The following KCNQ2 variants were observed in gnomAD, a reference collection of about 807,000 sequenced individuals.
The protein encoded by KCNQ2 is potassium voltage-gated channel subfamily KQT member 2.
Under a neutral mutation model 84.8 loss-of-function variants are expected in KCNQ2, and 14 were observed. The observed-to-expected ratio is 0.17, with a 90% CI of 0.11 to 0.26. The LOEUF is 0.26. KCNQ2 is among the 10% of genes least tolerant of loss of function. KCNQ2 has a pLI of 1.00. For missense variants in KCNQ2, 788 were observed against 1,254.0 expected (o/e 0.63, Z 5.61); for synonymous variants, 599 against 554.1 (o/e 1.08, Z -1.14).
chr20:63,471,674 C>G (rs1297101335), intron 1 of KCNQ2: 1 of 153,978 alleles, frequency 6.5e-6, no homozygotes, highest in Non-Finnish European at 1.4e-5. Flanking sequence ...CCTCCCCCAT[C>G]TCAGGAACCC....
In KCNQ2 at chr20:63,445,343, A is replaced by C. The variant is rs2081380963; in HGVS notation, c.409T>G (p.Phe137Val). Residue 137 changes from phenylalanine to valine, a missense_variant, in exon 3 of 17, where the codon TTT (phenylalanine) becomes GTT (valine). This residue lies in a region of KCNQ2 where 106 missense variants were observed against 214.8 expected (regional missense o/e 0.49). Coordinates refer to ENST00000359125, the MANE Select transcript of KCNQ2 (RefSeq NM_172107.4). ...YILEIVTIVV[F>V]GVEYFVRIWA... is the part of the protein sequence containing the mutation. ...ATCCGCACGAAGTACTCCACGCCAAACACCACGATAGTCACGATTTCCTGC... is the reference window on the plus strand; with the variant it reads ...ATCCGCACGAAGTACTCCACGCCAACCACCACGATAGTCACGATTTCCTGC... 1 of 1,613,804 alleles carries C rather than the reference A, an allele frequency of 6.2e-7. No homozygotes were observed. Among genetic ancestry groups the C allele is most frequent in the African/African-American group, 1.3e-5 (1 of 75,054 alleles).
At position 63,408,989 on chromosome 20, in the gene KCNQ2, G is replaced by A. The variant is rs1468783429; in HGVS notation, c.1764-453C>T. Among the ~76,000 whole-genome samples, 8 of 152,130 alleles carry A rather than the reference G, an allele frequency of 5.3e-5. No individual in the cohort carries two copies. Among genetic ancestry groups the A allele is most frequent in the Non-Finnish European group, 7.4e-5 (5 of 68,010 alleles). Reference sequence around the variant, plus strand: ...CCCTCCCCCTACCCGTGCCCACCCCGGAGCTTTACTCCTACGTAATGTGCC... The same window carrying A: ...CCCTCCCCCTACCCGTGCCCACCCCAGAGCTTTACTCCTACGTAATGTGCC... On this transcript the variant is annotated intron_variant, in intron 15 of 16. Transcript: ENST00000359125. The surrounding 1 kb of genome is among the most constrained non-coding windows in gnomAD (Gnocchi z 5.0).
chr20:63,429,178 C>T (rs1322632878), intron 9 of KCNQ2, among the ~76,000 whole-genome samples: 1 of 151,934 alleles, frequency 6.6e-6, no homozygotes, highest in Non-Finnish European at 1.5e-5. Flanking sequence ...CCCACTCCCA[C>T]CCACCTCACT....
chr20:63,419,607 G>T lies in KCNQ2; in HGVS notation c.1301+12C>A, dbSNP rs761092617. 4.4e-6 allele frequency: 7 copies of T among 1,607,538 alleles called. No homozygotes were observed. In the East Asian group the frequency reaches 1.1e-4, roughly 26 times the overall value. On this transcript the variant is annotated intron_variant, in intron 12 of 16. Coordinates refer to ENST00000359125, the MANE Select transcript of KCNQ2 (RefSeq NM_172107.4). Reference sequence around the variant, plus strand: ...CAGCAGCCGTCAGTCCGTGCGGCGTGTTCCGCGGTACCTAGAGCGTCCGGG... The same window carrying T: ...CAGCAGCCGTCAGTCCGTGCGGCGTTTTCCGCGGTACCTAGAGCGTCCGGG...
chr20:63,413,960 T>G, intron 14 of KCNQ2, 128 bp downstream of exon 14: 1 of 744,690 alleles, frequency 1.3e-6, no homozygotes, highest in Non-Finnish European at 2.4e-6. Flanking sequence ...TCTTAGCCCT[T>G]TCTTTTCCCA....
At chr20:63,410,189 G>T (rs2080079801) in intron 15 of KCNQ2, among the ~76,000 whole-genome samples, 1 of 152,158 alleles carries the variant, frequency 6.6e-6, no homozygotes, top group Admixed American at 6.5e-5. Context: ...GGAGTCCCTG[G>T]TGTTCGGGGC....
At chr20:63,411,520 A>AGAG (rs1236209373) in intron 15 of KCNQ2, among the ~76,000 whole-genome samples, 2 of 152,188 alleles carry the variant, frequency 1.3e-5, no homozygotes, top group Non-Finnish European at 2.9e-5. Flanking sequence ...GGGCATCCAC[A>AGAG]GAGCCCCCGG....
At position 63,443,096 on chromosome 20, in the gene KCNQ2, C is replaced by T. The variant is rs868083196; in HGVS notation, c.691-565G>A. 4.4e-3 allele frequency among the ~76,000 whole-genome samples: 104 copies of T among 23,632 alleles called. 2 individuals are homozygous for T. Among genetic ancestry groups the T allele is most frequent in the East Asian group, 0.016 (2 of 128 alleles). 15.5% of individuals were successfully genotyped at this position (23,632 alleles called of 152,430 possible). A position where few individuals can be genotyped will look rare whatever the true frequency, so the allele number is the denominator to read the frequency against. On this transcript the variant is annotated intron_variant, in intron 4 of 16. Coordinates refer to ENST00000359125, the MANE Select transcript of KCNQ2 (RefSeq NM_172107.4). ...ATCACCACCACCACCATTATCACCACCATCACCATCACCACCACCACTATC... is the reference window on the plus strand; with the variant it reads ...ATCACCACCACCACCATTATCACCATCATCACCATCACCACCACCACTATC...
At chr20:63,434,205 A>C in intron 7 of KCNQ2, 1 of 433,724 alleles carries the variant, frequency 2.3e-6, no homozygotes. Context: ...CCTTTTCATG[A>C]CTCTTACCTG....
chr20:63,463,041 C>T (rs1026134998), intron 1 of KCNQ2, among the ~76,000 whole-genome samples: 6 of 144,464 alleles, frequency 4.2e-5, no homozygotes, highest in African/African-American at 1.0e-4. Context: ...TCAGGGTTTC[C>T]GTGGGTGTCT....
At chr20:63,423,942 C>T (rs895006339) in intron 11 of KCNQ2, 11 of 557,702 alleles carry the variant, frequency 2.0e-5, no homozygotes, top group South Asian at 1.5e-4. Flanking sequence ...CCCAGCTGCC[C>T]GGATCCACAG....
At chr20:63,420,955 C>T (rs1186089250) in intron 11 of KCNQ2, among the ~76,000 whole-genome samples, 4 of 152,148 alleles carry the variant, frequency 2.6e-5, no homozygotes, top group African/African-American at 9.7e-5. Flanking sequence ...GTTCTGGCTG[C>T]TCAGAGTCTC....
Position 63,438,308 on chromosome 20 carries a change from CCTGCA to C in KCNQ2, c.1023+312_1023+316del. The C allele has an allele frequency of 2.1e-6, 1 of 476,758 alleles. No homozygotes were observed. The highest frequency in any genetic ancestry group is 3.3e-5 in the Admixed American group (1 of 29,910). 29.5% of individuals were successfully genotyped at this position (476,758 alleles called of 1,614,324 possible). The stretch of plus-strand genomic sequence containing the variant: ...GTGTGTGGGCTCTAGGAGCCTTGGC[CCTGCA>C]GCTGCAGAACGGGTGTGCTCACCTC... On this transcript the variant is annotated intron_variant, in intron 7 of 16. Coordinates refer to ENST00000359125, the MANE Select transcript of KCNQ2 (RefSeq NM_172107.4). This position sits in a 1 kb window ranked among gnomAD's most constrained non-coding sequence, Gnocchi z 5.1.
rs794727740 is a variant in KCNQ2 at position 63,442,429 on chromosome 20, C to T, written c.793G>A (p.Ala265Thr). The T allele has an allele frequency of 6.2e-7, 1 of 1,613,852 alleles. No homozygotes were observed. Among genetic ancestry groups the T allele is most frequent in the Non-Finnish European group, 8.5e-7 (1 of 1,179,956 alleles). Residue 265 changes from alanine to threonine, a missense_variant, in exon 5 of 17, where the codon GCG becomes ACG. This residue lies in a region of KCNQ2 where 18 missense variants were observed against 166.0 expected (regional missense o/e 0.11). Transcript: ENST00000359125. Reference sequence around the variant, plus strand: ...ACCAGGCCCCACCAGAGTGCATCCGCGTAGGTGTCAAAGTGGTCGTTCTCC... The same window carrying T: ...ACCAGGCCCCACCAGAGTGCATCCGTGTAGGTGTCAAAGTGGTCGTTCTCC... ...KGENDHFDTY[A>T]DALWWGLITL...
chr20:63,464,390 CA>C (rs2082031673), intron 1 of KCNQ2, among the ~76,000 whole-genome samples: 1 of 152,076 alleles, frequency 6.6e-6, no homozygotes, highest in African/African-American at 2.4e-5. Context: ...CCCAGCCCCT[CA>C]CCTGGCACGG....
intron 12 of KCNQ2, among the ~76,000 whole-genome samples, chr20:63,416,613 C>T (rs913041909): frequency 6.6e-6 from 1 of 152,184 alleles, no homozygotes; most frequent in Non-Finnish European, 1.5e-5. Context: ...GGGGAGGCCC[C>T]GCAGATCCCT....
At chr20:63,429,171 A>T (rs1163437825) in intron 9 of KCNQ2, among the ~76,000 whole-genome samples, 1 of 105,660 alleles carries the variant, frequency 9.5e-6, no homozygotes, top group African/African-American at 3.6e-5. Flanking sequence ...ACCCCTCCCC[A>T]CTCCCACCCA....
At chr20:63,434,163 C>G in intron 7 of KCNQ2, 1 of 530,838 alleles carries the variant, frequency 1.9e-6, no homozygotes, top group South Asian at 2.8e-5. Context: ...ACTCGGGGCC[C>G]TGAGCGAGCT....
rs1234078862 is a variant in KCNQ2, at chr20:63,412,106, G to T, written c.1763+1344C>A. 5.8e-6 allele frequency: 3 copies of T among 519,488 alleles called. No homozygotes were observed. The Admixed American group carries it at 1.0e-4, about 18-fold the overall frequency. The allele number at this position is 519,488 out of a possible 1,614,324, so 32.2% of individuals were successfully genotyped here. On this transcript the variant is annotated intron_variant, in intron 15 of 16. Coordinates refer to ENST00000359125, the MANE Select transcript of KCNQ2 (RefSeq NM_172107.4). Reference sequence around the variant, plus strand: ...TTGACTCGGGAGCGGGTGGCGGGCGGCCCCACTGCGGAGACCCGGGTGCCA... The same window carrying T: ...TTGACTCGGGAGCGGGTGGCGGGCGTCCCCACTGCGGAGACCCGGGTGCCA...
Sources: gnomAD v4.1 joint callset for allele counts (sites outside exome capture counted in the v4.1 genomes callset) on GRCh38, gnomAD v4.1.1 for gene constraint, gnomAD v4.1.1 regional missense constraint, Gnocchi (gnomAD v3.1) non-coding constraint, MANE v1.5 for transcripts, NCBI Gene and HGNC (gene_info 2026-07-23, HGNC 2026-07-21) for gene names.